Variants in ATP8A2 observed in about 807,000 individuals in gnomAD.
The protein encoded by ATP8A2 is ATPase phospholipid transporting 8A2.
A neutral mutation model predicts 165.6 loss-of-function variants in ATP8A2; 100 were observed. The ratio of observed to expected loss-of-function variants is 0.60; its 90% CI spans 0.51 to 0.71. The LOEUF is 0.71. ATP8A2 is among the 30% of genes least tolerant of loss of function. The probability of loss-of-function intolerance (pLI) is 0.00; values close to 1 mark genes in which losing one functional copy is unlikely to be tolerated. For missense variants in ATP8A2, 1,227 were observed against 1,479.5 expected (o/e 0.83, Z 2.80); for synonymous variants, 543 against 548.8 (o/e 0.99, Z 0.15).
At chr13:25,779,712 A>G (rs1026599508) in intron 27 of ATP8A2, among the ~76,000 whole-genome samples, 5 of 152,242 alleles carry the variant, frequency 3.3e-5, no homozygotes, top group African/African-American at 4.8e-5. Context: ...GGCATAGATC[A>G]TGCCATTATG....
chr13:25,814,831 C>T (rs1291231679), intron 27 of ATP8A2, among the ~76,000 whole-genome samples: 1 of 151,992 alleles, frequency 6.6e-6, no homozygotes, highest in South Asian at 2.1e-4. Flanking sequence ...GTCTGGGCAA[C>T]GTGGTGAAAT....
In ATP8A2 at chr13:25,636,806, A is replaced by G. The variant is rs181778290; in HGVS notation, c.2211+47107A>G. ...TTGCTTGTTTTTGAACTTGAAGAATATTGTGGCTGGGTGTGGTACCTCATG... is the reference window on the plus strand; with the variant it reads ...TTGCTTGTTTTTGAACTTGAAGAATGTTGTGGCTGGGTGTGGTACCTCATG... On this transcript the variant is annotated intron_variant, in intron 24 of 36. Transcript: ENST00000381655. Among the ~76,000 whole-genome samples the G allele has an allele frequency of 7.2e-5, 11 of 152,244 alleles. No individual in the cohort carries two copies. The East Asian group carries it at 1.9e-3, about 27-fold the overall frequency.
intron 2 of ATP8A2, among the ~76,000 whole-genome samples, chr13:25,503,962 T>C (rs1593415080): frequency 6.6e-6 from 1 of 152,216 alleles, no homozygotes; most frequent in Non-Finnish European, 1.5e-5. Flanking sequence ...TTGCTAATGG[T>C]TATCCAAATG....
chr13:25,837,802 T>C (rs1371650006), intron 29 of ATP8A2, among the ~76,000 whole-genome samples: 2 of 152,020 alleles, frequency 1.3e-5, no homozygotes, highest in Admixed American at 1.3e-4. Context: ...TTTGGTTTTG[T>C]TTTTCTGGAC....
rs116371156 is a variant in ATP8A2 at position 25,453,122 on chromosome 13, C to T, written c.77-15855C>T. Among the ~76,000 whole-genome samples the T allele has an allele frequency of 9.8e-3, 1,492 of 151,680 alleles. 27 individuals carry two copies. The highest frequency in any genetic ancestry group is 0.034 in the African/African-American group (1,389 of 41,384). ...AAAACAAAAAATAGTGTTATATGAA[C>T]GTTTCTTTTCTTTTCTTTTTGAAAC... On this transcript the variant is annotated intron_variant, in intron 1 of 36. Coordinates refer to ENST00000381655, the MANE Select transcript of ATP8A2 (RefSeq NM_016529.6).
chr13:25,695,161 A>G (rs985125516), intron 24 of ATP8A2, among the ~76,000 whole-genome samples: 2 of 151,064 alleles, frequency 1.3e-5, no homozygotes, highest in Non-Finnish European at 2.9e-5. Context: ...TCCAGTGCAT[A>G]TAAAAGTTAT....
At chr13:25,501,129 A>T (rs1317008920) in intron 2 of ATP8A2, among the ~76,000 whole-genome samples, 2 of 152,208 alleles carry the variant, frequency 1.3e-5, no homozygotes, top group East Asian at 3.9e-4. Flanking sequence ...TGCAGAAGTC[A>T]TGTGTTTAAA....
At chr13:25,920,183 C>T (rs901492010) in intron 33 of ATP8A2, among the ~76,000 whole-genome samples, 2 of 152,100 alleles carry the variant, frequency 1.3e-5, no homozygotes, top group Non-Finnish European at 2.9e-5. Context: ...CGGCCTTTTC[C>T]CTCTTCTGTA....
intron 2 of ATP8A2, among the ~76,000 whole-genome samples, chr13:25,504,889 A>G (rs1192807079): frequency 6.6e-6 from 1 of 152,060 alleles, no homozygotes; most frequent in Non-Finnish European, 1.5e-5. Context: ...CATTACTTCT[A>G]AATCTTTGCT....
chr13:25,738,273 T>TATG lies in ATP8A2; in HGVS notation c.2385-30771_2385-30769dup, dbSNP rs1372119945. Among the ~76,000 whole-genome samples the TATG allele has an allele frequency of 2.6e-5, 4 of 152,058 alleles. No homozygotes were observed. The East Asian group carries it at 7.7e-4, about 29-fold the overall frequency. On this transcript the variant is annotated intron_variant, in intron 25 of 36. Coordinates refer to ENST00000381655, the MANE Select transcript of ATP8A2 (RefSeq NM_016529.6). ...CTGATGGCAAATTCTGGAACGCAGGTATGACACTCCCTCTTGTCTCTTGTT... is the reference window on the plus strand; with the variant it reads ...CTGATGGCAAATTCTGGAACGCAGGTATGATGACACTCCCTCTTGTCTCTTGTT...
intron 25 of ATP8A2, among the ~76,000 whole-genome samples, chr13:25,705,543 C>G (rs550554644): frequency 6.6e-6 from 1 of 152,132 alleles, no homozygotes; most frequent in Non-Finnish European, 1.5e-5. Context: ...AGGATAGATT[C>G]AAAGATAAAC....
intron 25 of ATP8A2, among the ~76,000 whole-genome samples, chr13:25,736,056 A>G (rs550746403): frequency 2.6e-5 from 4 of 152,334 alleles, no homozygotes; most frequent in South Asian, 4.1e-4. Context: ...TTGTGTTACA[A>G]TTGCCTACCA....
intron 24 of ATP8A2, among the ~76,000 whole-genome samples, chr13:25,663,654 G>T (rs905749830): frequency 3.3e-5 from 5 of 152,102 alleles, no homozygotes; most frequent in Non-Finnish European, 7.4e-5. Flanking sequence ...CCTGTTGTTT[G>T]GGTGATATAT....
At chr13:25,450,577 G>A (rs1353397250) in intron 1 of ATP8A2, among the ~76,000 whole-genome samples, 3 of 152,110 alleles carry the variant, frequency 2.0e-5, no homozygotes, top group African/African-American at 7.2e-5. Flanking sequence ...TGTCGCCCAG[G>A]CTGGAGTGCA....
intron 1 of ATP8A2, among the ~76,000 whole-genome samples, chr13:25,407,411 A>G (rs561806626): frequency 6.6e-6 from 1 of 152,348 alleles, no homozygotes; most frequent in Admixed American, 6.5e-5. Flanking sequence ...TAAAAAACCA[A>G]ACTCTTCCAA....
rs564629699 is a variant in ATP8A2 at position 25,423,459 on chromosome 13, G to A, written c.77-45518G>A. On this transcript the variant is annotated intron_variant, in intron 1 of 36. Coordinates refer to ENST00000381655, the MANE Select transcript of ATP8A2 (RefSeq NM_016529.6). ...CATGTGCATTTTTGTGTACATTTTC[G>A]AATATTTTTGTATGATAGAATTCTA... Among the ~76,000 whole-genome samples, 140 of 152,160 alleles carry A rather than the reference G, an allele frequency of 9.2e-4. 1 individual carries two copies. Among genetic ancestry groups the A allele is most frequent in the African/African-American group, 3.2e-3 (132 of 41,524 alleles).
chr13:25,851,499 C>T (rs1952007757), intron 30 of ATP8A2, among the ~76,000 whole-genome samples: 1 of 151,554 alleles, frequency 6.6e-6, no homozygotes, highest in South Asian at 2.1e-4. Flanking sequence ...AGGAGAATCG[C>T]TTGAACCCAG....
At chr13:25,871,110 G>GT (rs1463929026) in intron 33 of ATP8A2, 8,828 of 196,040 alleles carry the variant, frequency 0.045, 1 homozygote, top group South Asian at 0.092. Context: ...TGATTGAGTG[G>GT]TTTTTTTTTT....
rs1279837980 is a variant in ATP8A2, at chr13:25,919,446, G to A, written c.3184-42129G>A. 5.9e-5 allele frequency among the ~76,000 whole-genome samples: 9 copies of A among 152,172 alleles called. No individual in the cohort carries two copies. In the East Asian group the frequency reaches 1.2e-3, roughly 20 times the overall value. Reference sequence around the variant, plus strand: ...GGTTTTGCATTTTTGGTTTCGGGATGTGAAAGAATGTATATCTTTCTGCTG... The same window carrying A: ...GGTTTTGCATTTTTGGTTTCGGGATATGAAAGAATGTATATCTTTCTGCTG... On this transcript the variant is annotated intron_variant, in intron 33 of 36. Transcript: ENST00000381655.
Sources: allele counts gnomAD v4.1 joint callset (sites outside exome capture counted in the v4.1 genomes callset), GRCh38; gene constraint gnomAD v4.1.1; transcripts MANE v1.5; gene names NCBI Gene and HGNC (gene_info 2026-07-23, HGNC 2026-07-21).